C8orf34: variants seen among roughly 807,000 people sequenced by gnomAD.
C8orf34 encodes the protein uncharacterized protein C8orf34.
A neutral mutation model predicts 68.3 loss-of-function variants in C8orf34; 65 were observed. That is an observed-to-expected ratio of 0.95 (90% CI 0.78 to 1.17). C8orf34 has a LOEUF of 1.17. C8orf34 is among the 50% of genes most tolerant of loss of function. The pLI is 0.00. For missense variants in C8orf34, 664 were observed against 655.4 expected (o/e 1.01, Z -0.14); for synonymous variants, 244 against 241.2 (o/e 1.01, Z -0.11).
At chr8:68,428,173 T>C (rs1347899722) in intron 1 of C8orf34, among the ~76,000 whole-genome samples, 2 of 151,810 alleles carry the variant, frequency 1.3e-5, no homozygotes, top group Non-Finnish European at 2.9e-5. Context: ...AATAAAGATA[T>C]TTCTGTGCAA....
chr8:68,705,734 T>G (rs1243042031), intron 8 of C8orf34, among the ~76,000 whole-genome samples: 8 of 150,434 alleles, frequency 5.3e-5, no homozygotes, highest in African/African-American at 2.0e-4. Flanking sequence ...TTTTTGTGGG[T>G]TTTTTTTTAA....
At chr8:68,715,699 A>G (rs1359860469) in intron 9 of C8orf34, among the ~76,000 whole-genome samples, 2 of 152,042 alleles carry the variant, frequency 1.3e-5, no homozygotes, top group Non-Finnish European at 2.9e-5. Context: ...AAAAAGGAAC[A>G]CTTTTACAGG....
intron 7 of C8orf34, among the ~76,000 whole-genome samples, chr8:68,620,432 C>T (rs1476676099): frequency 1.3e-5 from 2 of 151,940 alleles, no homozygotes; most frequent in Admixed American, 6.6e-5. Flanking sequence ...GAGGACAGGC[C>T]GGGTCTAGTC....
chr8:68,793,072 C>T (rs1824059384), intron 12 of C8orf34, among the ~76,000 whole-genome samples: 1 of 151,888 alleles, frequency 6.6e-6, no homozygotes, highest in African/African-American at 2.4e-5. Flanking sequence ...GATACAGTGA[C>T]TAAAAAATTT....
chr8:68,662,219 A>G (rs1819700801), intron 8 of C8orf34, among the ~76,000 whole-genome samples: 1 of 152,192 alleles, frequency 6.6e-6, no homozygotes, highest in Non-Finnish European at 1.5e-5. Flanking sequence ...CTCTCAGGTA[A>G]TAAAAGTTGT....
chr8:68,818,164 A>AT, intron 13 of C8orf34, 75 bp from the exon 14 acceptor site: 1 of 1,493,578 alleles, frequency 6.7e-7, no homozygotes, highest in Non-Finnish European at 9.3e-7. Flanking sequence ...TAAAATCACA[A>AT]TTTTTCTTTT....
intron 5 of C8orf34, among the ~76,000 whole-genome samples, chr8:68,495,979 G>T (rs1586258319): frequency 6.6e-6 from 1 of 152,142 alleles, no homozygotes; most frequent in Non-Finnish European, 1.5e-5. Context: ...TGTTTATGTT[G>T]TTCTGTCTTT....
Position 68,690,372 on chromosome 8 carries a change from A to G in C8orf34, c.1242-18622A>G, listed in dbSNP as rs1820650689. On this transcript the variant is annotated intron_variant, in intron 8 of 13. Transcript: ENST00000518698. Reference sequence around the variant, plus strand: ...AAAAGCATACAAATTTATTTAATATAAGTTTGACATATGTCTTAGCCTGTT... The same window carrying G: ...AAAAGCATACAAATTTATTTAATATGAGTTTGACATATGTCTTAGCCTGTT... Among the ~76,000 whole-genome samples, 3 of 152,056 alleles carry G rather than the reference A, an allele frequency of 2.0e-5. No individual in the cohort carries two copies. In the South Asian group the frequency reaches 6.2e-4, roughly 32 times the overall value.
At chr8:68,332,512 G>T (rs542069168) in intron 1 of C8orf34, among the ~76,000 whole-genome samples, 1 of 152,188 alleles carries the variant, frequency 6.6e-6, no homozygotes, top group East Asian at 1.9e-4. Context: ...CAAGTGGAAG[G>T]GGCTGCACTG....
intron 5 of C8orf34, among the ~76,000 whole-genome samples, chr8:68,498,683 T>C (rs1813635484): frequency 6.6e-6 from 1 of 152,186 alleles, no homozygotes. Flanking sequence ...AAGAAATATA[T>C]ATAATGTAAG....
rs148892863 is a variant in C8orf34 at position 68,389,525 on chromosome 8, C to A, written c.328-49974C>A. ...ATTACTTATGGGCACATTTTAAGCA[C>A]CTACAACACCTAAGTATACTTGTTA... On this transcript the variant is annotated intron_variant, in intron 1 of 13. Coordinates refer to ENST00000518698, the MANE Select transcript of C8orf34 (RefSeq NM_052958.4). Among the ~76,000 whole-genome samples the A allele has an allele frequency of 6.9e-4, 105 of 152,230 alleles. No homozygotes were observed. The South Asian group carries it at 0.018, about 26-fold the overall frequency.
intron 1 of C8orf34, among the ~76,000 whole-genome samples, chr8:68,351,724 A>G (rs945525206): frequency 1.3e-5 from 2 of 152,028 alleles, no homozygotes; most frequent in Admixed American, 6.6e-5. Flanking sequence ...ACCAGGTAGC[A>G]TGACTGCTGG....
intron 7 of C8orf34, among the ~76,000 whole-genome samples, chr8:68,546,551 A>G (rs1047158260): frequency 6.6e-6 from 1 of 151,940 alleles, no homozygotes; most frequent in African/African-American, 2.4e-5. Context: ...ATATTTAAAC[A>G]TATTTCTCTA....
chr8:68,771,117 TG>T (rs1823323040), intron 10 of C8orf34, among the ~76,000 whole-genome samples: 1 of 152,200 alleles, frequency 6.6e-6, no homozygotes, highest in Non-Finnish European at 1.5e-5. Flanking sequence ...AAATAGCATC[TG>T]GCATATATGT....
At chr8:68,350,206 C>T (rs1477606329) in intron 1 of C8orf34, among the ~76,000 whole-genome samples, 1 of 150,954 alleles carries the variant, frequency 6.6e-6, no homozygotes, top group Admixed American at 6.6e-5. Flanking sequence ...AGATTACTGC[C>T]TTAATTTCAT....
At chr8:68,794,505 ATTTTTTT>A (rs57673879) in intron 12 of C8orf34, among the ~76,000 whole-genome samples, 3 of 62,252 alleles carry the variant, frequency 4.8e-5, no homozygotes, top group Admixed American at 1.8e-4. Context: ...ATATATATAT[ATTTTTTT>A]TTTTTTTTTT....
intron 7 of C8orf34, among the ~76,000 whole-genome samples, chr8:68,585,260 G>A (rs1817175160): frequency 6.6e-6 from 1 of 152,100 alleles, no homozygotes; most frequent in South Asian, 2.1e-4. Context: ...TAGCTTCTTG[G>A]AAGTGACAGC....
chr8:68,480,674 G>A (rs577801728), intron 4 of C8orf34, among the ~76,000 whole-genome samples: 8 of 152,324 alleles, frequency 5.3e-5, no homozygotes, highest in African/African-American at 1.9e-4. Flanking sequence ...GGGAACTGGA[G>A]CAGAGGTGAC....
At chr8:68,364,658 C>G (rs1415151816) in intron 1 of C8orf34, among the ~76,000 whole-genome samples, 1 of 115,410 alleles carries the variant, frequency 8.7e-6, no homozygotes, top group Non-Finnish European at 1.8e-5. Context: ...GGGTACATAA[C>G]GAAATGAAGG....
Sources: gnomAD v4.1 joint callset for allele counts (sites outside exome capture counted in the v4.1 genomes callset) on GRCh38, gnomAD v4.1.1 for gene constraint, MANE v1.5 for transcripts, NCBI Gene and HGNC (gene_info 2026-07-23, HGNC 2026-07-21) for gene names.